The following NCOA1 variants were observed in gnomAD, a reference collection of about 807,000 sequenced individuals.
NCOA1 encodes Hin-2 protein.
In NCOA1, 35 loss-of-function variants were observed where a neutral mutation model predicts 150.9. The ratio of observed to expected loss-of-function variants is 0.23; its 90% CI spans 0.18 to 0.31. The LOEUF (loss-of-function observed/expected upper bound fraction) is 0.31. NCOA1 is among the 10% of genes least tolerant of loss of function. The probability of loss-of-function intolerance (pLI) is 1.00; values close to 1 mark genes in which losing one functional copy is unlikely to be tolerated. For missense variants in NCOA1, 1,491 were observed against 1,749.3 expected (o/e 0.85, Z 2.63); for synonymous variants, 590 against 630.0 (o/e 0.94, Z 0.95).
chr2:24,639,143 T>G (rs1360512007), intron 3 of NCOA1, among the ~76,000 whole-genome samples: 1 of 152,204 alleles, frequency 6.6e-6, no homozygotes, highest in African/African-American at 2.4e-5. Flanking sequence ...TGAAAGTGTG[T>G]AAGATTGCTA....
intron 6 of NCOA1, among the ~76,000 whole-genome samples, chr2:24,666,338 T>C (rs1050500642): frequency 6.6e-6 from 1 of 152,150 alleles, no homozygotes; most frequent in African/African-American, 2.4e-5. Flanking sequence ...TAAAAAATTA[T>C]ATTGAACATT....
At chr2:24,545,511 A>G (rs923128746) in intron 1 of NCOA1, among the ~76,000 whole-genome samples, 1 of 152,172 alleles carries the variant, frequency 6.6e-6, no homozygotes. Context: ...ATTTGTGCAG[A>G]CACTCCCCTC....
chr2:24,595,343 C>T (rs1233443384), intron 3 of NCOA1, among the ~76,000 whole-genome samples: 1 of 152,080 alleles, frequency 6.6e-6, no homozygotes, highest in East Asian at 1.9e-4. Flanking sequence ...AAGTTTCTTA[C>T]ATGAGTTTCA....
At chr2:24,492,935 C>T (rs1663041924) in intron 1 of NCOA1, among the ~76,000 whole-genome samples, 2 of 147,126 alleles carry the variant, frequency 1.4e-5, no homozygotes, top group African/African-American at 5.0e-5. Flanking sequence ...AGGTTTGTCT[C>T]CTCTTCTGGA....
chr2:24,520,133 C>T (rs1045271069), intron 1 of NCOA1, among the ~76,000 whole-genome samples: 27 of 152,136 alleles, frequency 1.8e-4, no homozygotes, highest in African/African-American at 4.3e-4. Flanking sequence ...GCAACTGGAA[C>T]GCTCACATTA....
intron 3 of NCOA1, among the ~76,000 whole-genome samples, chr2:24,635,365 G>A (rs1335641197): frequency 6.6e-6 from 1 of 151,946 alleles, no homozygotes; most frequent in East Asian, 1.9e-4. Flanking sequence ...TGCTTGACTG[G>A]CCATGAGTTC....
At chr2:24,688,002 A>G (rs1230014764) in intron 8 of NCOA1, among the ~76,000 whole-genome samples, 3 of 152,130 alleles carry the variant, frequency 2.0e-5, no homozygotes. Context: ...GAGAACATGC[A>G]GTGTTTGGTT....
chr2:24,534,184 G>T (rs563450908), intron 1 of NCOA1, among the ~76,000 whole-genome samples: 44 of 152,272 alleles, frequency 2.9e-4, no homozygotes, highest in African/African-American at 1.1e-3. Flanking sequence ...AGGTGTATGT[G>T]TCCAGGAATT....
intron 2 of NCOA1, among the ~76,000 whole-genome samples, chr2:24,576,145 C>CTTTCTTTTT (rs1666945159): frequency 9.9e-6 from 1 of 101,036 alleles, no homozygotes; most frequent in Non-Finnish European, 1.9e-5. Flanking sequence ...ATTATTTGGC[C>CTTTCTTTTT]TTTGTTTTTT....
chr2:24,665,865 T>C lies in NCOA1; in HGVS notation c.206T>C (p.Ile69Thr), dbSNP rs1671394212. ...SLSVKPDKCKILKKTVDQIQL... is the reference protein window; with the variant it reads ...SLSVKPDKCKTLKKTVDQIQL... ...AGTGTAAAACCAGACAAATGCAAGA[T>C]TTTGAAGAAAACAGTCGATCAGATA... The change falls in exon 6 of 23, where the codon ATT becomes ACT. Residue 69 changes from isoleucine (I) to threonine (T), a missense_variant. Ile to Thr is a moderately conservative substitution (Grantham distance 89). This residue lies in a region of NCOA1 where 80 missense variants were observed against 163.0 expected (regional missense o/e 0.49). Transcript: ENST00000348332. The C allele has an allele frequency of 1.2e-6, 2 of 1,600,042 alleles. No homozygotes were observed. Among genetic ancestry groups the C allele is most frequent in the Non-Finnish European group, 1.7e-6 (2 of 1,172,882 alleles).
In NCOA1 at chr2:24,583,682, A is replaced by G. The variant is rs56208142; in HGVS notation, c.-259-794A>G. Among the ~76,000 whole-genome samples the G allele has an allele frequency of 9.3e-3, 1,417 of 152,292 alleles. 19 individuals are homozygous for G. The highest frequency in any genetic ancestry group is 0.032 in the African/African-American group (1,338 of 41,552). ...GATGAATGGATAAAGAAAATATGAT[A>G]TATATACAGAATGGAATACTATTCA... On this transcript the variant is annotated intron_variant, in intron 2 of 22. Coordinates refer to ENST00000348332, the MANE Select transcript of NCOA1 (RefSeq NM_003743.5).
chr2:24,580,949 A>G (rs1667169825), intron 2 of NCOA1, among the ~76,000 whole-genome samples: 1 of 152,196 alleles, frequency 6.6e-6, no homozygotes, highest in South Asian at 2.1e-4. Flanking sequence ...CTGCCCCCGC[A>G]TGAGAAGGAG....
chr2:24,613,679 T>C (rs1235727266), intron 3 of NCOA1, among the ~76,000 whole-genome samples: 1 of 151,754 alleles, frequency 6.6e-6, no homozygotes, highest in African/African-American at 2.4e-5. Context: ...GGATGGGGTG[T>C]CTCAGGCTAG....
At chr2:24,590,899 T>C (rs1179012828) in intron 3 of NCOA1, among the ~76,000 whole-genome samples, 1 of 152,298 alleles carries the variant, frequency 6.6e-6, no homozygotes, top group Non-Finnish European at 1.5e-5. Flanking sequence ...TTTTATTTAT[T>C]GTCTGTCTCT....
At chr2:24,608,211 A>G (rs1668455554) in intron 3 of NCOA1, among the ~76,000 whole-genome samples, 1 of 149,628 alleles carries the variant, frequency 6.7e-6, no homozygotes. Context: ...TAAGAATAGT[A>G]TATTGAATTC....
chr2:24,543,382 C>G (rs1466389519), intron 1 of NCOA1, among the ~76,000 whole-genome samples: 1 of 152,140 alleles, frequency 6.6e-6, no homozygotes, highest in African/African-American at 2.4e-5. Context: ...GGATCTGCCC[C>G]CATGACCCAA....
chr2:24,760,847 G>GT (rs945382912), intron 21 of NCOA1, among the ~76,000 whole-genome samples: 4 of 150,568 alleles, frequency 2.7e-5, no homozygotes, highest in Non-Finnish European at 4.4e-5. Context: ...GTCGTTTTTT[G>GT]TTTTTTTGTG....
intron 6 of NCOA1, among the ~76,000 whole-genome samples, chr2:24,672,230 A>T (rs2148517905): frequency 6.6e-6 from 1 of 152,226 alleles, no homozygotes; most frequent in East Asian, 1.9e-4. Context: ...GTTACTTCTG[A>T]AAAAAGGGAC....
intron 3 of NCOA1, among the ~76,000 whole-genome samples, chr2:24,634,298 T>C (rs1033505363): frequency 1.3e-5 from 2 of 152,194 alleles, no homozygotes; most frequent in Non-Finnish European, 2.9e-5. Flanking sequence ...AATAAATATA[T>C]CACAATGTTA....
Sources: gnomAD v4.1 joint callset for allele counts (sites outside exome capture counted in the v4.1 genomes callset) on GRCh38, gnomAD v4.1.1 for gene constraint, gnomAD v4.1.1 regional missense constraint, MANE v1.5 for transcripts, NCBI Gene and HGNC (gene_info 2026-07-23, HGNC 2026-07-21) for gene names.